Variants in DACH2 observed in about 807,000 individuals in gnomAD.
DACH2 encodes dachshund family transcription factor 2, also known as dachshund homolog 2.
A neutral mutation model predicts 35.8 loss-of-function variants in DACH2; 17 were observed. That is an observed-to-expected ratio of 0.48 (90% CI 0.33 to 0.71). The LOEUF is 0.71. DACH2 is among the 30% of genes least tolerant of loss of function. The pLI is 0.02. For missense variants in DACH2, 469 were observed against 472.7 expected (o/e 0.99, Z 0.07); for synonymous variants, 195 against 177.3 (o/e 1.10, Z -0.79).
chrX:86,725,687 G>A (rs2041460228), intron 6 of DACH2, among the ~76,000 whole-genome samples: 1 of 111,175 alleles, frequency 9.0e-6, no homozygotes, highest in Admixed American at 9.6e-5. Context: ...ATGCATTTGG[G>A]CAGGTTCCCA....
intron 2 of DACH2, among the ~76,000 whole-genome samples, chrX:86,427,643 G>C (rs1014768387): frequency 2.7e-5 from 3 of 111,185 alleles, no homozygotes; most frequent in Admixed American, 1.9e-4. Context: ...AGAACAATTT[G>C]TTTAGAAAAA....
intron 1 of DACH2, among the ~76,000 whole-genome samples, chrX:86,152,907 T>C (rs1643874902): frequency 8.9e-6 from 1 of 111,944 alleles, no homozygotes; most frequent in South Asian, 3.6e-4. Flanking sequence ...AAAGTAAATG[T>C]TGACAATTTT....
intron 1 of DACH2, among the ~76,000 whole-genome samples, chrX:86,246,688 A>T (rs962546213): frequency 8.9e-6 from 1 of 112,274 alleles, no homozygotes; most frequent in Admixed American, 9.5e-5. Context: ...TGGAAATGAG[A>T]CAGTTACCAG....
intron 3 of DACH2, among the ~76,000 whole-genome samples, chrX:86,603,165 C>T (rs2039812472): frequency 9.0e-6 from 1 of 110,645 alleles, no homozygotes. Flanking sequence ...TTTTCTTTTT[C>T]ATATTGTTTT....
intron 2 of DACH2, among the ~76,000 whole-genome samples, chrX:86,386,777 T>C (rs1247705074): frequency 9.0e-6 from 1 of 111,380 alleles, no homozygotes; most frequent in African/African-American, 3.3e-5. Flanking sequence ...TCCAGACTCA[T>C]CTTGTATATT....
intron 2 of DACH2, among the ~76,000 whole-genome samples, chrX:86,453,150 G>T (rs1303486619): frequency 8.9e-6 from 1 of 111,757 alleles, no homozygotes; most frequent in African/African-American, 3.2e-5. Flanking sequence ...TTAATCTTGA[G>T]TTCTAATTTG....
chrX:86,206,326 C>T (rs182786453), intron 1 of DACH2, among the ~76,000 whole-genome samples: 4 of 111,463 alleles, frequency 3.6e-5, no homozygotes, highest in African/African-American at 9.8e-5. Flanking sequence ...AAATCCTCTC[C>T]TAGTTAGCGT....
chrX:86,531,647 A>G (rs2038722363), intron 3 of DACH2, among the ~76,000 whole-genome samples: 1 of 110,929 alleles, frequency 9.0e-6, no homozygotes, highest in Non-Finnish European at 1.9e-5. Flanking sequence ...ATGTCCAGGC[A>G]GAAGTCTGCT....
intron 1 of DACH2, among the ~76,000 whole-genome samples, chrX:86,358,961 TGAG>T (rs1220815188): frequency 1.8e-5 from 2 of 110,804 alleles, no homozygotes; most frequent in African/African-American, 6.6e-5. Flanking sequence ...GATTTGAAAA[TGAG>T]GAGCTACTGT....
At chrX:86,610,005 A>G (rs1267731487) in intron 3 of DACH2, among the ~76,000 whole-genome samples, 1 of 111,699 alleles carries the variant, frequency 9.0e-6, no homozygotes, top group Non-Finnish European at 1.9e-5. Context: ...ATTTACAATC[A>G]GCAGTTGGCA....
At chrX:86,542,933 G>T (rs1245373539) in intron 3 of DACH2, among the ~76,000 whole-genome samples, 2 of 112,076 alleles carry the variant, frequency 1.8e-5, no homozygotes, top group Non-Finnish European at 3.8e-5. Flanking sequence ...ATACTTTTTG[G>T]TACTGAGTCC....
At chrX:86,332,163 G>A (rs183861297) in intron 1 of DACH2, among the ~76,000 whole-genome samples, 77 of 111,345 alleles carry the variant, frequency 6.9e-4, no homozygotes, top group African/African-American at 2.4e-3. Context: ...GTATGTGGTA[G>A]GTAAAATTTT....
chrX:86,638,200 G>T (rs2040301305), intron 3 of DACH2, among the ~76,000 whole-genome samples: 1 of 111,731 alleles, frequency 9.0e-6, no homozygotes, highest in African/African-American at 3.3e-5. Context: ...GGGAACATTG[G>T]ATTACCATAT....
At chrX:86,701,761 C>T (rs181063770) in intron 5 of DACH2, among the ~76,000 whole-genome samples, 124 of 111,334 alleles carry the variant, frequency 1.1e-3, no homozygotes, top group African/African-American at 2.3e-3. Context: ...AACTAATGCA[C>T]GAACAGAAAA....
At chrX:86,327,085 C>T (rs952907107) in intron 1 of DACH2, among the ~76,000 whole-genome samples, 3 of 111,330 alleles carry the variant, frequency 2.7e-5, no homozygotes, top group Admixed American at 9.5e-5. Flanking sequence ...TTACACCCAC[C>T]CTGAGGGATA....
At chrX:86,346,203 C>A (rs1201126648) in intron 1 of DACH2, among the ~76,000 whole-genome samples, 2 of 111,025 alleles carry the variant, frequency 1.8e-5, no homozygotes, top group Admixed American at 1.9e-4. Flanking sequence ...ATTTGCCCAA[C>A]CCCTAGTCAG....
At chrX:86,362,560 C>T (rs1378930341) in intron 1 of DACH2, among the ~76,000 whole-genome samples, 1 of 111,106 alleles carries the variant, frequency 9.0e-6, no homozygotes, top group Non-Finnish European at 1.9e-5. Flanking sequence ...AACACAATTC[C>T]ACAATTAACT....
intron 5 of DACH2, among the ~76,000 whole-genome samples, chrX:86,707,635 G>A (rs1020621376): frequency 2.7e-5 from 3 of 110,227 alleles, no homozygotes; most frequent in South Asian, 3.8e-4. Context: ...ATTACACACC[G>A]CCCAGGCGCG....
chrX:86,398,621 T>C (rs952157916), intron 2 of DACH2, among the ~76,000 whole-genome samples: 1 of 112,024 alleles, frequency 8.9e-6, no homozygotes, highest in East Asian at 2.8e-4. Flanking sequence ...AAGAATATCT[T>C]TATTTCTGCC....
Sources: gnomAD v4.1 joint callset for allele counts (sites outside exome capture counted in the v4.1 genomes callset) on GRCh38, gnomAD v4.1.1 for gene constraint, MANE v1.5 for transcripts, NCBI Gene and HGNC (gene_info 2026-07-23, HGNC 2026-07-21) for gene names.